The following SLC29A4 variants were observed in gnomAD, a reference collection of about 807,000 sequenced individuals.
SLC29A4 encodes solute carrier family 29 member 4, also known as equilibrative nucleoside transporter 4.
Under a neutral mutation model 43.9 loss-of-function variants are expected in SLC29A4, and 36 were observed. That is an observed-to-expected ratio of 0.82 (90% CI 0.63 to 1.08). The LOEUF (loss-of-function observed/expected upper bound fraction) is 1.08, where lower values mean the gene tolerates loss of function less well. Ranked by LOEUF, SLC29A4 falls within the 50% of genes least tolerant of loss-of-function variation. The pLI, the probability that SLC29A4 is intolerant of heterozygous loss-of-function variation, is 0.00. For missense variants in SLC29A4, 869 were observed against 755.3 expected (o/e 1.15, Z -1.77); for synonymous variants, 491 against 338.0 (o/e 1.45, Z -4.97).
At chr7:5,299,183 G>GAGGC in intron 8 of SLC29A4, 57 bp downstream of exon 8, 1 of 1,598,226 alleles carries the variant, frequency 6.3e-7, no homozygotes. Context: ...GGGGGTGGGG[G>GAGGC]AGGCAGGCAG....
At chr7:5,294,996 T>G in intron 6 of SLC29A4, 62 bp downstream of exon 6, 79 of 1,393,494 alleles carry the variant, frequency 5.7e-5, no homozygotes, top group Non-Finnish European at 7.2e-5. Flanking sequence ...TGGAAGCTTC[T>G]TCCCAGGGAC....
At position 5,300,502 on chromosome 7, in the gene SLC29A4, C is replaced by A. The variant is rs1394097527; in HGVS notation, c.1290C>A (p.Leu430=). 1 of 1,612,068 alleles carries A rather than the reference C, an allele frequency of 6.2e-7. No homozygotes were observed. Among genetic ancestry groups the A allele is most frequent in the Non-Finnish European group, 8.5e-7 (1 of 1,179,782 alleles). ...GCCTGCGTGTGGTCTTCATCCCCCT[C>A]TTCATCCTGTGCGTCTACCCCAGCG... ...CSCLRVVFIP[L]FILCVYPSGM... Residue 430 remains leucine (L), a synonymous_variant, in exon 10 of 11, where the codon CTC becomes CTA. Coordinates refer to ENST00000396872, the MANE Select transcript of SLC29A4 (RefSeq NM_153247.4).
At chr7:5,301,261 GGA>G (rs1491540448) in intron 10 of SLC29A4, among the ~76,000 whole-genome samples, 61 of 146,188 alleles carry the variant, frequency 4.2e-4, no homozygotes, top group Admixed American at 6.1e-4. Flanking sequence ...TCCTGTCTGG[GGA>G]AAAAAAAAAA....
At chr7:5,293,969 G>GT (rs1785477370) in intron 5 of SLC29A4, among the ~76,000 whole-genome samples, 1 of 152,114 alleles carries the variant, frequency 6.6e-6, no homozygotes, top group Non-Finnish European at 1.5e-5. Flanking sequence ...AGCCGGGTGT[G>GT]GTGGTGTGTG....
Position 5,300,652 on chromosome 7 carries a change from G to C in SLC29A4, c.1440G>C (p.Arg480=). Reference sequence around the variant, plus strand: ...CAGGCAAAGTGAGCCCCAAGCAGCGGGAGCTGGCAGGTGAGGCCCGCGGGA... The same window carrying C: ...CAGGCAAAGTGAGCCCCAAGCAGCGCGAGCTGGCAGGTGAGGCCCGCGGGA... ...LAAGKVSPKQ[R]ELAGNTMTVS... Residue 480 remains arginine, a synonymous_variant, in exon 10 of 11, where the codon CGG becomes CGC. Coordinates refer to ENST00000396872, the MANE Select transcript of SLC29A4 (RefSeq NM_153247.4). 1 of 1,608,306 alleles carries C rather than the reference G, an allele frequency of 6.2e-7. No homozygotes were observed. Among genetic ancestry groups the C allele is most frequent in the Non-Finnish European group, 8.5e-7 (1 of 1,178,850 alleles).
intron 1 of SLC29A4, 135 bp downstream of exon 1, chr7:5,283,217 C>T (rs1273957751): frequency 2.7e-5 from 4 of 150,142 alleles, no homozygotes; most frequent in Non-Finnish European, 6.0e-5. Flanking sequence ...GCCCCTGTCC[C>T]GGGAACCCGA....
intron 9 of SLC29A4, 151 bp from the exon 10 acceptor site, chr7:5,300,271 G>A: frequency 8.4e-7 from 1 of 1,189,204 alleles, no homozygotes; most frequent in African/African-American, 1.5e-5. Context: ...GGGGCTTTTA[G>A]AGGGGTGATC....
At position 5,303,084 on chromosome 7, in the gene SLC29A4, A is replaced by G. The variant is rs1786286705; in HGVS notation, c.*145A>G. Reference sequence around the variant, plus strand: ...AGCCCCACTCCCTCAGGGTCCAGCCATGCCCCACCCTGGACTGAAGTTCTG... The same window carrying G: ...AGCCCCACTCCCTCAGGGTCCAGCCGTGCCCCACCCTGGACTGAAGTTCTG... On this transcript the variant is annotated 3_prime_UTR_variant, in exon 11 of 11. Transcript: ENST00000396872. 2.1e-6 allele frequency: 2 copies of G among 974,940 alleles called. No individual in the cohort carries two copies. The highest frequency in any genetic ancestry group is 2.8e-5 in the Admixed American group (1 of 35,476). 60.4% of individuals were successfully genotyped at this position (974,940 alleles called of 1,614,324 possible). A position where few individuals can be genotyped will look rare whatever the true frequency, so the allele number is the denominator to read the frequency against.
rs10226644 is a variant in SLC29A4 at position 5,295,151 on chromosome 7, A to G, written c.619+217A>G. 0.13 allele frequency among the ~76,000 whole-genome samples: 19,291 copies of G among 151,994 alleles called. 3,940 individuals are homozygous for G. Among genetic ancestry groups the G allele is most frequent in the African/African-American group, 0.43 (17,877 of 41,406 alleles). On this transcript the variant is annotated intron_variant, in intron 6 of 10. Coordinates refer to ENST00000396872, the MANE Select transcript of SLC29A4 (RefSeq NM_153247.4). ...ATGGGAGGGACATGTGGGCCCACAC[A>G]TGTGTGTGCTGTGTTTCTGGGGTGT...
chr7:5,297,654 C>T (rs900413148), intron 7 of SLC29A4, among the ~76,000 whole-genome samples: 57 of 151,978 alleles, frequency 3.8e-4, no homozygotes, highest in Non-Finnish European at 4.6e-4. Flanking sequence ...GCCTTCCTCC[C>T]TAGAGTCGGG....
intron 9 of SLC29A4, 74 bp from the exon 10 acceptor site, chr7:5,300,348 T>C: frequency 1.2e-6 from 2 of 1,600,492 alleles, no homozygotes; most frequent in African/African-American, 2.7e-5. Flanking sequence ...GGGATGTGGC[T>C]AGAGGCTGTC....
At chr7:5,298,641 G>A (rs1211937686) in intron 7 of SLC29A4, among the ~76,000 whole-genome samples, 2 of 152,008 alleles carry the variant, frequency 1.3e-5, no homozygotes, top group African/African-American at 2.4e-5. Context: ...AAAAGAAAAC[G>A]GCAAAAAAGA....
At chr7:5,285,951 A>G (rs956733712) in intron 1 of SLC29A4, among the ~76,000 whole-genome samples, 1 of 152,196 alleles carries the variant, frequency 6.6e-6, no homozygotes, top group Admixed American at 6.5e-5. Context: ...CAGAGGCTCC[A>G]GTGAGTTGTG....
intron 2 of SLC29A4, among the ~76,000 whole-genome samples, chr7:5,289,287 C>T (rs1785161184): frequency 6.6e-6 from 1 of 152,052 alleles, no homozygotes; most frequent in East Asian, 1.9e-4. Flanking sequence ...ATCCCAGCTA[C>T]TTCAGAGGCT....
intron 6 of SLC29A4, among the ~76,000 whole-genome samples, chr7:5,295,576 C>G (rs73673104): frequency 6.6e-6 from 1 of 152,218 alleles, no homozygotes; most frequent in East Asian, 1.9e-4. Flanking sequence ...GCACTGTGTG[C>G]GTGGAAGCCC....
chr7:5,285,584 A>T (rs1784896049), intron 1 of SLC29A4, among the ~76,000 whole-genome samples: 2 of 152,134 alleles, frequency 1.3e-5, no homozygotes, highest in Non-Finnish European at 2.9e-5. Flanking sequence ...GGTCACAGGG[A>T]GGTGCTTGGT....
chr7:5,295,891 G>C (rs7780635), intron 6 of SLC29A4, among the ~76,000 whole-genome samples: 100,683 of 151,878 alleles, frequency 0.66, 33,562 homozygotes, highest in East Asian at 0.81. Flanking sequence ...GTCAAGGGCC[G>C]CGCAGAAAAG....
At chr7:5,285,275 C>G (rs375880653) in intron 1 of SLC29A4, among the ~76,000 whole-genome samples, 2 of 151,452 alleles carry the variant, frequency 1.3e-5, no homozygotes, top group African/African-American at 4.9e-5. Context: ...ACCCCACCCC[C>G]AACCCCCCAG....
intron 1 of SLC29A4, among the ~76,000 whole-genome samples, chr7:5,283,333 C>T (rs1353880097): frequency 2.0e-5 from 3 of 150,810 alleles, no homozygotes; most frequent in East Asian, 4.0e-4. Context: ...GCCACCGCCT[C>T]CCTGAGCACC....
Sources: gnomAD v4.1 joint callset for allele counts (sites outside exome capture counted in the v4.1 genomes callset) on GRCh38, gnomAD v4.1.1 for gene constraint, MANE v1.5 for transcripts, NCBI Gene and HGNC (gene_info 2026-07-23, HGNC 2026-07-21) for gene names.